Variants in SUSD3 observed in about 807,000 individuals in gnomAD.
The protein encoded by SUSD3 is sushi domain containing 3, also known as sushi domain-containing protein 3.
SUSD3 carries 18 observed loss-of-function variants against 20.6 expected under a neutral mutation model. The ratio of observed to expected loss-of-function variants is 0.87; its 90% CI spans 0.60 to 1.30. The LOEUF (loss-of-function observed/expected upper bound fraction) is 1.30. Ranked by LOEUF, SUSD3 falls within the 50% of genes most tolerant of loss-of-function variation. The pLI is 0.00. For missense variants in SUSD3, 306 were observed against 346.9 expected, an observed-to-expected ratio of 0.88 and a Z score of 0.94; for synonymous variants, 137 against 141.5, an observed-to-expected ratio of 0.97 and a Z score of 0.23.
At chr9:93,076,486 C>A (rs1826173241) in intron 2 of SUSD3, among the ~76,000 whole-genome samples, 1 of 152,152 alleles carries the variant, frequency 6.6e-6, no homozygotes, top group African/African-American at 2.4e-5. Flanking sequence ...ATTTCTTGTA[C>A]AGGTGTTGAA....
intron 1 of SUSD3, among the ~76,000 whole-genome samples, chr9:93,068,884 C>T (rs562314742): frequency 6.6e-6 from 1 of 152,060 alleles, no homozygotes; most frequent in Non-Finnish European, 1.5e-5. Flanking sequence ...TTGTTTTTTC[C>T]CTAAACACAT....
intron 1 of SUSD3, among the ~76,000 whole-genome samples, chr9:93,062,276 GAGGGCCAGGC>G (rs1046460945): frequency 6.6e-6 from 1 of 152,248 alleles, no homozygotes; most frequent in African/African-American, 2.4e-5. Flanking sequence ...TGAGCCGTGG[GAGGGCCAGGC>G]AGGGCCTCGT....
chr9:93,082,935 C>A (rs1401859276), intron 4 of SUSD3, among the ~76,000 whole-genome samples: 1 of 152,244 alleles, frequency 6.6e-6, no homozygotes, highest in Non-Finnish European at 1.5e-5. Flanking sequence ...TGGGGCCACA[C>A]TTCTGCCTGG....
At chr9:93,065,445 T>C (rs1168141153) in intron 1 of SUSD3, among the ~76,000 whole-genome samples, 1 of 152,166 alleles carries the variant, frequency 6.6e-6, no homozygotes, top group Non-Finnish European at 1.5e-5. Context: ...CAACCTCTCC[T>C]CCCATCCGCC....
intron 2 of SUSD3, among the ~76,000 whole-genome samples, chr9:93,077,589 C>G (rs992990728): frequency 6.6e-6 from 1 of 152,174 alleles, no homozygotes; most frequent in African/African-American, 2.4e-5. Flanking sequence ...CATACTCCTA[C>G]ACACCCTGCT....
intron 1 of SUSD3, among the ~76,000 whole-genome samples, chr9:93,073,648 C>T (rs1010623383): frequency 3.3e-5 from 5 of 152,252 alleles, no homozygotes; most frequent in African/African-American, 1.2e-4. Flanking sequence ...TGGATTTGGA[C>T]ACCAGGAGAC....
At chr9:93,070,447 A>C (rs982378662) in intron 1 of SUSD3, among the ~76,000 whole-genome samples, 1 of 152,242 alleles carries the variant, frequency 6.6e-6, no homozygotes, top group Non-Finnish European at 1.5e-5. Context: ...GGCCTTCCCC[A>C]GATACTGAAG....
chr9:93,080,829 C>T (rs1347105005), intron 4 of SUSD3, among the ~76,000 whole-genome samples: 1 of 152,264 alleles, frequency 6.6e-6, no homozygotes, highest in Non-Finnish European at 1.5e-5. Flanking sequence ...GCACTTCTGA[C>T]ATTCCTTCTA....
chr9:93,063,950 A>G (rs1825604937), intron 1 of SUSD3, among the ~76,000 whole-genome samples: 1 of 152,088 alleles, frequency 6.6e-6, no homozygotes, highest in Admixed American at 6.6e-5. Flanking sequence ...AAATCGTTCT[A>G]TACTTTTATT....
intron 1 of SUSD3, among the ~76,000 whole-genome samples, chr9:93,066,533 A>C (rs1424954302): frequency 1.3e-5 from 2 of 150,606 alleles, no homozygotes; most frequent in African/African-American, 2.4e-5. Flanking sequence ...TGCTCGGCCA[A>C]GTATCTTCAG....
chr9:93,075,746 C>CCCCCCCCCCCCCCCCCCA, intron 1 of SUSD3, 38 bp from the exon 2 acceptor site: 1 of 185,000 alleles, frequency 5.4e-6, no homozygotes, highest in Non-Finnish European at 1.1e-5. Context: ...GCCCACCCCC[C>CCCCCCCCCCCCCCCCCCA]CCCCCCCGCC....
At chr9:93,072,179 CT>C (rs1213101240) in intron 1 of SUSD3, among the ~76,000 whole-genome samples, 2 of 152,174 alleles carry the variant, frequency 1.3e-5, no homozygotes, top group Non-Finnish European at 2.9e-5. Flanking sequence ...CCTCCCACCC[CT>C]CTTCCCTTGC....
rs141762113 is a variant in SUSD3 at position 93,075,973 on chromosome 9, G to A, written c.277+1G>A. The A allele has an allele frequency of 2.8e-4, 437 of 1,587,028 alleles. 1 individual carries two copies. Among genetic ancestry groups the A allele is most frequent in the Admixed American group, 1.7e-4 (10 of 58,154 alleles). ...TCTTCAGGGTCCCCAGTGTGCAAAC[G>A]TAAGGACCCCTCTCTCAGCTCGGTG... On this transcript the variant is annotated splice_donor_variant, in intron 2 of 4. Transcript: ENST00000375472. LOFTEE classifies it high-confidence loss of function.
rs371132436 is a variant in SUSD3, at chr9:93,063,540, C to T, written c.88+4710C>T. ...ACTGGGGGCTAAGAGGGGGCATTGC[C>T]GGTCAGTGGCTTCTCTTTCTGTGGC... On this transcript the variant is annotated intron_variant, in intron 1 of 4. Coordinates refer to ENST00000375472, the MANE Select transcript of SUSD3 (RefSeq NM_145006.4). Among the ~76,000 whole-genome samples, 64 of 152,270 alleles carry T rather than the reference C, an allele frequency of 4.2e-4. 1 individual carries two copies. The highest frequency in any genetic ancestry group is 1.4e-3 in the African/African-American group (60 of 41,566).
At chr9:93,072,494 G>A (rs78357512) in intron 1 of SUSD3, among the ~76,000 whole-genome samples, 2,039 of 152,276 alleles carry the variant, frequency 0.013, 30 homozygotes, top group Non-Finnish European at 0.018. Context: ...ACCAGACTTC[G>A]GAGCCTGGCC....
At chr9:93,062,070 C>T (rs1285877278) in intron 1 of SUSD3, among the ~76,000 whole-genome samples, 1 of 152,250 alleles carries the variant, frequency 6.6e-6, no homozygotes. Flanking sequence ...AGACGCCCGG[C>T]TGGCCTCACA....
intron 2 of SUSD3, among the ~76,000 whole-genome samples, chr9:93,077,213 A>G (rs1373015835): frequency 6.6e-6 from 1 of 152,156 alleles, no homozygotes; most frequent in Non-Finnish European, 1.5e-5. Context: ...CAGCAGATAC[A>G]TAGTATTTTG....
intron 3 of SUSD3, among the ~76,000 whole-genome samples, chr9:93,078,893 G>A (rs1157171679): frequency 3.3e-5 from 5 of 151,738 alleles, no homozygotes; most frequent in Non-Finnish European, 7.4e-5. Flanking sequence ...TCCACCTCCT[G>A]GGATCACGCC....
At chr9:93,071,427 A>G (rs2118950217) in intron 1 of SUSD3, among the ~76,000 whole-genome samples, 1 of 152,338 alleles carries the variant, frequency 6.6e-6, no homozygotes, top group African/African-American at 2.4e-5. Flanking sequence ...AAAGGCAGGA[A>G]GCATCCAGCA....
Sources: gnomAD v4.1 joint callset for allele counts (sites outside exome capture counted in the v4.1 genomes callset) on GRCh38, gnomAD v4.1.1 for gene constraint, MANE v1.5 for transcripts, NCBI Gene and HGNC (gene_info 2026-07-23, HGNC 2026-07-21) for gene names.